EXOC6B: variants seen among roughly 807,000 people sequenced by gnomAD.
The protein encoded by EXOC6B is exocyst complex component 6B, also known as SEC15 homolog B.
In EXOC6B, 54 loss-of-function variants were observed where a neutral mutation model predicts 113.5. That is an observed-to-expected ratio of 0.48 (90% CI 0.38 to 0.60). EXOC6B has a LOEUF of 0.60. Among genes scored for constraint, EXOC6B ranks in the 20% least tolerant of loss-of-function variants. EXOC6B has a pLI of 0.00. For synonymous variants in EXOC6B, 357 were observed against 339.0 expected (o/e 1.05, Z -0.58); for missense variants, 797 against 977.5 (o/e 0.82, Z 2.46).
intron 6 of EXOC6B, among the ~76,000 whole-genome samples, chr2:72,607,404 T>G (rs1252886027): frequency 6.6e-6 from 1 of 152,164 alleles, no homozygotes; most frequent in Non-Finnish European, 1.5e-5. Context: ...GTGAGCCAAA[T>G]AAACCTCTTT....
At chr2:72,745,485 C>T (rs1558968354) in intron 1 of EXOC6B, among the ~76,000 whole-genome samples, 1 of 151,750 alleles carries the variant, frequency 6.6e-6, no homozygotes, top group Non-Finnish European at 1.5e-5. Context: ...ACGTAAAACA[C>T]CCATATTTAA....
intron 6 of EXOC6B, among the ~76,000 whole-genome samples, chr2:72,660,446 A>G (rs898651750): frequency 2.0e-5 from 3 of 152,224 alleles, no homozygotes; most frequent in African/African-American, 7.2e-5. Context: ...GCTCAGAAGC[A>G]GAATACAAAA....
At chr2:72,626,962 C>T (rs1276286017) in intron 6 of EXOC6B, among the ~76,000 whole-genome samples, 3 of 152,216 alleles carry the variant, frequency 2.0e-5, no homozygotes, top group Admixed American at 2.0e-4. Flanking sequence ...TAATAGTATT[C>T]AGAAGAAACT....
intron 19 of EXOC6B, among the ~76,000 whole-genome samples, chr2:72,358,121 A>G (rs1690080735): frequency 6.6e-6 from 1 of 152,214 alleles, no homozygotes; most frequent in South Asian, 2.1e-4. Flanking sequence ...ATACATAACT[A>G]TAATGAAAAC....
intron 20 of EXOC6B, among the ~76,000 whole-genome samples, chr2:72,274,816 T>G (rs1684713956): frequency 6.6e-6 from 1 of 151,990 alleles, no homozygotes; most frequent in Non-Finnish European, 1.5e-5. Context: ...AAGCACAGAG[T>G]GAAGCTAAAC....
intron 6 of EXOC6B, among the ~76,000 whole-genome samples, chr2:72,641,595 C>T (rs1182068678): frequency 6.6e-6 from 1 of 152,256 alleles, no homozygotes; most frequent in Non-Finnish European, 1.5e-5. Flanking sequence ...TGCAGCTCTG[C>T]AAGGCTTGCT....
At chr2:72,397,333 T>C (rs1261021440) in intron 18 of EXOC6B, among the ~76,000 whole-genome samples, 1 of 152,082 alleles carries the variant, frequency 6.6e-6, no homozygotes, top group Non-Finnish European at 1.5e-5. Flanking sequence ...TAAGAAAATA[T>C]ACTATTGCTG....
rs78625349 is a variant in EXOC6B at position 72,492,288 on chromosome 2, C to A, written c.1665+30G>T. The A allele has an allele frequency of 2.1e-5, 29 of 1,399,108 alleles. No individual in the cohort carries two copies. In the East Asian group the frequency reaches 5.9e-4, roughly 29 times the overall value. The allele number at this position is 1,399,108 out of a possible 1,614,324, so 86.7% of individuals were successfully genotyped here. On this transcript the variant is annotated intron_variant, in intron 16 of 21. Transcript: ENST00000272427. ...CTTAGGACATCTGTTCACATACTGG[C>A]TCGGCTGCCTTCATTAGGAGCAGGT...
intron 6 of EXOC6B, among the ~76,000 whole-genome samples, chr2:72,635,248 T>C (rs1672738281): frequency 6.6e-6 from 1 of 151,408 alleles, no homozygotes; most frequent in African/African-American, 2.4e-5. Flanking sequence ...AACAGGAAAA[T>C]GTTAGAGAAA....
At chr2:72,471,056 T>A (rs1248194551) in intron 17 of EXOC6B, among the ~76,000 whole-genome samples, 1 of 152,152 alleles carries the variant, frequency 6.6e-6, no homozygotes. Context: ...ACTTCCACAA[T>A]GGTTGAACTA....
At chr2:72,503,251 A>G (rs939957648) in intron 11 of EXOC6B, among the ~76,000 whole-genome samples, 1 of 152,182 alleles carries the variant, frequency 6.6e-6, no homozygotes, top group Non-Finnish European at 1.5e-5. Context: ...TATATATTCT[A>G]TGGGACTTAA....
At chr2:72,479,254 C>T (rs1025541493) in intron 17 of EXOC6B, among the ~76,000 whole-genome samples, 2 of 152,084 alleles carry the variant, frequency 1.3e-5, no homozygotes, top group Non-Finnish European at 2.9e-5. Flanking sequence ...TAGCAGCTGA[C>T]CTAATCACAT....
chr2:72,300,647 G>A (rs1686453471), intron 20 of EXOC6B, among the ~76,000 whole-genome samples: 1 of 152,226 alleles, frequency 6.6e-6, no homozygotes, highest in Non-Finnish European at 1.5e-5. Flanking sequence ...CAGGGCCCTG[G>A]TGGCATAGGC....
At chr2:72,571,668 T>G (rs1418449951) in intron 7 of EXOC6B, among the ~76,000 whole-genome samples, 1 of 152,174 alleles carries the variant, frequency 6.6e-6, no homozygotes, top group African/African-American at 2.4e-5. Context: ...ACTGATTCCT[T>G]CAGATGGTTC....
intron 6 of EXOC6B, among the ~76,000 whole-genome samples, chr2:72,668,365 AAAG>A (rs1286405241): frequency 6.6e-6 from 1 of 152,182 alleles, no homozygotes; most frequent in Non-Finnish European, 1.5e-5. Flanking sequence ...GCCATTTCTC[AAAG>A]AAGCAAGAGT....
intron 6 of EXOC6B, among the ~76,000 whole-genome samples, chr2:72,679,466 TA>T (rs1472645266): frequency 6.6e-6 from 1 of 152,204 alleles, no homozygotes; most frequent in Non-Finnish European, 1.5e-5. Context: ...TATTTAAAGG[TA>T]AACCAAAGAA....
intron 18 of EXOC6B, among the ~76,000 whole-genome samples, chr2:72,452,650 T>TAA (rs1284044187): frequency 6.6e-6 from 1 of 152,214 alleles, no homozygotes; most frequent in East Asian, 1.9e-4. Context: ...CAGCCAGGAA[T>TAA]AAGCATAGTA....
At chr2:72,295,139 G>C (rs1686046877) in intron 20 of EXOC6B, among the ~76,000 whole-genome samples, 1 of 150,804 alleles carries the variant, frequency 6.6e-6, no homozygotes, top group African/African-American at 2.4e-5. Context: ...GCTGAGGCAG[G>C]AGAGTCGCTT....
At chr2:72,565,130 C>T (rs1243997608) in intron 7 of EXOC6B, among the ~76,000 whole-genome samples, 1 of 151,924 alleles carries the variant, frequency 6.6e-6, no homozygotes, top group Non-Finnish European at 1.5e-5. Context: ...GCAGGTGGAT[C>T]GCTTGAGCCC....
Sources: gnomAD v4.1 joint callset for allele counts (sites outside exome capture counted in the v4.1 genomes callset) on GRCh38, gnomAD v4.1.1 for gene constraint, MANE v1.5 for transcripts, NCBI Gene and HGNC (gene_info 2026-07-23, HGNC 2026-07-21) for gene names.